Variants in SLC8A1 observed in about 807,000 individuals in gnomAD.
The protein encoded by SLC8A1 is solute carrier family 8 member A1, also known as sodium/calcium exchanger 1.
SLC8A1 carries 18 observed loss-of-function variants against 68.3 expected under a neutral mutation model. The ratio of observed to expected loss-of-function variants is 0.26; its 90% CI spans 0.18 to 0.39. The LOEUF (loss-of-function observed/expected upper bound fraction) is 0.39. SLC8A1 is among the 10% of genes least tolerant of loss of function. The pLI is 1.00. For synonymous variants in SLC8A1, 475 were observed against 415.5 expected (o/e 1.14, Z -1.74); for missense variants, 985 against 1,156.7 (o/e 0.85, Z 2.15).
chr2:40,361,887 C>CTTTTTTTTTTTT lies in SLC8A1; in HGVS notation c.1808+66574_1808+66585dup, dbSNP rs1172909749. On this transcript the variant is annotated intron_variant, in intron 2 of 7. Transcript: ENST00000406785. ...GTCAGATGTTTATATCTTTTCTTTC[C>CTTTTTTTTTTTT]TTTTTTTTTTTTTTTTTTTTTTTTT... 4.5e-4 allele frequency among the ~76,000 whole-genome samples: 24 copies of CTTTTTTTTTTTT among 53,128 alleles called. 3 individuals are homozygous for CTTTTTTTTTTTT. The highest frequency in any genetic ancestry group is 1.1e-3 in the African/African-American group (12 of 11,308). The allele number at this position is 53,128 out of a possible 152,430, so 34.9% of individuals were successfully genotyped here.
intron 2 of SLC8A1, among the ~76,000 whole-genome samples, chr2:40,361,504 T>A (rs1674627819): frequency 6.6e-6 from 1 of 151,728 alleles, no homozygotes; most frequent in African/African-American, 2.4e-5. Context: ...AATATTACTG[T>A]AAACACTTGA....
chr2:40,335,334 T>C (rs1665615603), intron 2 of SLC8A1, among the ~76,000 whole-genome samples: 1 of 152,238 alleles, frequency 6.6e-6, no homozygotes, highest in Non-Finnish European at 1.5e-5. Context: ...GAAGAAGCAC[T>C]GAAAGAAGAA....
At chr2:40,370,704 T>A (rs1030170716) in intron 2 of SLC8A1, among the ~76,000 whole-genome samples, 10 of 152,150 alleles carry the variant, frequency 6.6e-5, no homozygotes, top group Non-Finnish European at 1.2e-4. Context: ...CTCTACTGTA[T>A]TCTTGAGTCA....
chr2:40,327,957 G>GAA lies in SLC8A1; in HGVS notation c.1808+100514_1808+100515dup, dbSNP rs5830622. On this transcript the variant is annotated intron_variant, in intron 2 of 7. Coordinates refer to ENST00000406785, the Ensembl canonical transcript of SLC8A1. The stretch of plus-strand genomic sequence containing the variant: ...AATAAATACATGCAGAAATAAAACT[G>GAA]AAAAAAAAATACAGTATTTGCCCTG... Among the ~76,000 whole-genome samples the GAA allele has an allele frequency of 7.5e-3, 1,130 of 149,830 alleles. 16 individuals are homozygous for GAA. Among genetic ancestry groups the GAA allele is most frequent in the African/African-American group, 0.023 (941 of 40,948 alleles).
intron 2 of SLC8A1, among the ~76,000 whole-genome samples, chr2:40,306,774 G>T (rs933798982): frequency 6.6e-6 from 1 of 152,100 alleles, no homozygotes; most frequent in Non-Finnish European, 1.5e-5. Context: ...CAGGCTCCAC[G>T]GCTGGTTGGC....
chr2:40,398,676 A>G (rs774315425), intron 2 of SLC8A1, among the ~76,000 whole-genome samples: 42 of 152,212 alleles, frequency 2.8e-4, no homozygotes, highest in Non-Finnish European at 4.8e-4. Context: ...TTTGTAAATA[A>G]TTATTCATTT....
chr2:40,396,772 A>C (rs1218621429), intron 2 of SLC8A1, among the ~76,000 whole-genome samples: 1 of 146,874 alleles, frequency 6.8e-6, no homozygotes, highest in Non-Finnish European at 1.5e-5. Flanking sequence ...AAAAAAAAAA[A>C]AAAAACAAGA....
intron 2 of SLC8A1, among the ~76,000 whole-genome samples, chr2:40,245,417 A>C (rs2061739652): frequency 6.6e-6 from 1 of 152,200 alleles, no homozygotes; most frequent in Non-Finnish European, 1.5e-5. Context: ...TGTCCACCAG[A>C]AGAATAAGGT....
At chr2:40,473,611 A>AC (rs1704117002) in intron 1 of SLC8A1, among the ~76,000 whole-genome samples, 1 of 152,238 alleles carries the variant, frequency 6.6e-6, no homozygotes, top group Admixed American at 6.5e-5. Context: ...TATTTGTTGA[A>AC]CAAATGAGTG....
At chr2:40,466,577 C>CT (rs1010191067) in intron 1 of SLC8A1, among the ~76,000 whole-genome samples, 7 of 152,152 alleles carry the variant, frequency 4.6e-5, no homozygotes, top group South Asian at 2.1e-4. Flanking sequence ...CCCTTGCAAA[C>CT]TGAGGGTGCT....
intron 2 of SLC8A1, among the ~76,000 whole-genome samples, chr2:40,380,208 C>G (rs1413148168): frequency 1.3e-5 from 2 of 152,140 alleles, no homozygotes; most frequent in African/African-American, 4.8e-5. Context: ...AAAGCTGATG[C>G]TTGAAGAGGT....
upstream of SLC8A1, chr2:40,453,482 G>C (rs1010039913): frequency 1.3e-5 from 2 of 152,190 alleles, no homozygotes; most frequent in African/African-American, 2.4e-5. Flanking sequence ...GCAACAAAGA[G>C]GGGGCGGAAT....
intron 2 of SLC8A1, among the ~76,000 whole-genome samples, chr2:40,271,817 T>C (rs1400259305): frequency 6.6e-6 from 1 of 152,224 alleles, no homozygotes; most frequent in Non-Finnish European, 1.5e-5. Context: ...ACTCATTTTC[T>C]TTCCGGAGTC....
intron 4 of SLC8A1, among the ~76,000 whole-genome samples, chr2:40,169,867 G>C (rs1384744431): frequency 2.0e-5 from 3 of 152,206 alleles, no homozygotes; most frequent in African/African-American, 7.2e-5. Context: ...CTTGGGCTCA[G>C]GAGGTTGAAG....
At chr2:40,423,360 C>A (rs1696014743) in intron 2 of SLC8A1, among the ~76,000 whole-genome samples, 2 of 152,154 alleles carry the variant, frequency 1.3e-5, no homozygotes, top group African/African-American at 2.4e-5. Context: ...TTGTACTTAT[C>A]AGAATATACA....
chr2:40,107,279 C>CAAAAAAAAAAAAAAAAGAAAAAAAAAA (rs571403529), exon 8 of SLC8A1: 60 of 64,876 alleles, frequency 9.2e-4, no homozygotes, highest in Non-Finnish European at 1.4e-3. Context: ...GACTCCGTCT[C>CAAAAAAAAAAAAAAAAGAAAAAAAAAA]AAAAAAAAAA....
intron 2 of SLC8A1, among the ~76,000 whole-genome samples, chr2:40,245,980 T>C (rs2061814635): frequency 6.6e-6 from 1 of 152,240 alleles, no homozygotes; most frequent in African/African-American, 2.4e-5. Context: ...ACCCTACAGG[T>C]CCATCTCAGA....
At chr2:40,276,890 T>C (rs780043500) in intron 2 of SLC8A1, among the ~76,000 whole-genome samples, 113 of 152,214 alleles carry the variant, frequency 7.4e-4, no homozygotes, top group African/African-American at 1.4e-4. Context: ...TATGAGAATT[T>C]TGTGGAAAAA....
chr2:40,378,323 A>C (rs1440875018), intron 2 of SLC8A1, among the ~76,000 whole-genome samples: 1 of 152,150 alleles, frequency 6.6e-6, no homozygotes, highest in African/African-American at 2.4e-5. Flanking sequence ...GAGTGAGTTA[A>C]GCAGGTATGT....
Sources: allele counts gnomAD v4.1 joint callset (sites outside exome capture counted in the v4.1 genomes callset), GRCh38; gene constraint gnomAD v4.1.1; transcripts MANE v1.5; gene names NCBI Gene and HGNC (gene_info 2026-07-23, HGNC 2026-07-21).